CCDC40: variants seen among roughly 807,000 people sequenced by gnomAD.
The protein encoded by CCDC40 is coiled-coil domain 40 molecular ruler complex subunit, also known as coiled-coil domain-containing protein 40.
Under a neutral mutation model 124.5 loss-of-function variants are expected in CCDC40, and 104 were observed. The ratio of observed to expected loss-of-function variants is 0.84; its 90% CI spans 0.71 to 0.98. The LOEUF (loss-of-function observed/expected upper bound fraction) is 0.98. Ranked by LOEUF, CCDC40 falls within the 50% of genes least tolerant of loss-of-function variation. CCDC40 has a pLI of 0.00. For missense variants in CCDC40, 1,463 were observed against 1,503.9 expected (o/e 0.97, Z 0.45); for synonymous variants, 580 against 602.9 (o/e 0.96, Z 0.56).
intron 7 of CCDC40, among the ~76,000 whole-genome samples, chr17:80,053,823 C>T (rs2037667546): frequency 6.6e-6 from 1 of 152,178 alleles, no homozygotes; most frequent in Non-Finnish European, 1.5e-5. Flanking sequence ...GAACCCCTGA[C>T]CTCGTGATCC....
chr17:80,068,434 G>A (rs531659958), intron 10 of CCDC40, among the ~76,000 whole-genome samples: 20 of 152,254 alleles, frequency 1.3e-4, no homozygotes, highest in African/African-American at 4.6e-4. Context: ...GAAGCAACTT[G>A]GAGACAGGTT....
rs1348352408 is a variant in CCDC40 at position 80,099,882 on chromosome 17, T to G, written c.*107T>G. The G allele has an allele frequency of 1.7e-5, 21 of 1,249,294 alleles. No homozygotes were observed. Among genetic ancestry groups the G allele is most frequent in the Non-Finnish European group, 2.3e-6 (2 of 883,474 alleles). The allele number at this position is 1,249,294 out of a possible 1,614,324, so 77.4% of individuals were successfully genotyped here. A position where few individuals can be genotyped will look rare whatever the true frequency, so the allele number is the denominator to read the frequency against. On this transcript the variant is annotated 3_prime_UTR_variant, in exon 20 of 20. Coordinates refer to ENST00000397545, the MANE Select transcript of CCDC40 (RefSeq NM_017950.4). Reference sequence around the variant, plus strand: ...GTGTTCCTAAAAACCACATGTACCCTCAGAAGGGCATCGTTTAAGAGAAAT... The same window carrying G: ...GTGTTCCTAAAAACCACATGTACCCGCAGAAGGGCATCGTTTAAGAGAAAT...
chr17:80,082,490 C>T (rs2038477075), intron 12 of CCDC40, among the ~76,000 whole-genome samples: 1 of 152,036 alleles, frequency 6.6e-6, no homozygotes, highest in Admixed American at 6.6e-5. Flanking sequence ...GACCGCCTCC[C>T]CAACACCCCG....
intron 7 of CCDC40, among the ~76,000 whole-genome samples, chr17:80,056,010 A>T (rs367982511): frequency 0.54 from 7,378 of 13,686 alleles, 1,834 homozygotes; most frequent in Non-Finnish European, 0.56. Flanking sequence ...ATATATATAT[A>T]TATATATTTT....
At chr17:80,067,758 TA>T in intron 10 of CCDC40, 1 of 1,489,162 alleles carries the variant, frequency 6.7e-7, no homozygotes, top group East Asian at 2.5e-5. Context: ...CGGGTATTGC[TA>T]AGTAGGATTG....
At position 80,050,233 on chromosome 17, in the gene CCDC40, G is replaced by C; in HGVS notation, c.1109G>C (p.Arg370Pro). 6.3e-7 allele frequency: 1 copy of C among 1,598,254 alleles called. No homozygotes were observed. The highest frequency in any genetic ancestry group is 8.5e-7 in the Non-Finnish European group (1 of 1,174,060). ...AAGGAGGAGGAGCTGCAGGCCGCCC[G>C]CGCTCTCTACACCAAGACCTGCGCA... is the stretch of plus-strand genomic sequence containing the variant. ...RQKEEELQAA[R>P]ALYTKTCAAA... The change falls in exon 7 of 20, where the codon CGC becomes CCC. Residue 370 changes from arginine to proline, a missense_variant. Physicochemically the swap from Arg to Pro is moderately radical, Grantham distance 103. Transcript: ENST00000397545.
intron 10 of CCDC40, among the ~76,000 whole-genome samples, chr17:80,081,111 A>G (rs1237789055): frequency 6.6e-6 from 1 of 152,152 alleles, no homozygotes; most frequent in Non-Finnish European, 1.5e-5. Context: ...TGCTGGGTGC[A>G]GCGGCTCACA....
intron 16 of CCDC40, chr17:80,088,452 C>A (rs7502097): frequency 0.68 from 238,816 of 351,582 alleles, 81,982 homozygotes; most frequent in Middle Eastern, 0.77. Flanking sequence ...GGGTTTCACC[C>A]TGTTGGCCAG....
At chr17:80,098,307 T>C (rs1252026198) in intron 19 of CCDC40, among the ~76,000 whole-genome samples, 2 of 152,188 alleles carry the variant, frequency 1.3e-5, no homozygotes, top group Admixed American at 1.3e-4. Context: ...GACTTTTCTC[T>C]TGGGGAGGTG....
intron 10 of CCDC40, among the ~76,000 whole-genome samples, chr17:80,070,563 T>C (rs1423916414): frequency 6.6e-6 from 1 of 152,214 alleles, no homozygotes; most frequent in Non-Finnish European, 1.5e-5. Flanking sequence ...ATTGCACGAA[T>C]GCACTCCAGC....
chr17:80,038,190 A>T lies in CCDC40; in HGVS notation c.93+4A>T. 6.3e-7 allele frequency: 1 copy of T among 1,586,040 alleles called. No homozygotes were observed. Among genetic ancestry groups the T allele is most frequent in the Non-Finnish European group, 8.7e-7 (1 of 1,155,342 alleles). On this transcript the variant is annotated splice_donor_region_variant and intron_variant, in intron 2 of 19. Transcript: ENST00000397545. ...AGGGAATAATGAAAGCCACATGGTA[A>T]AATTCCCTATGGGCAGTTATTCCGG...
chr17:80,087,747 A>AAC lies in CCDC40; in HGVS notation c.2590_2591insAC (p.Thr864AsnfsTer10), dbSNP rs780516910. On this transcript the variant is annotated frameshift_variant, in exon 15 of 20. Coordinates refer to ENST00000397545, the MANE Select transcript of CCDC40 (RefSeq NM_017950.4). LOFTEE classifies it high-confidence loss of function. This position sits in a 1 kb window ranked among gnomAD's most constrained non-coding sequence, Gnocchi z 4.5. ...GGAGCTGGAGCAGAACAACCGGGTG[A>AAC]CAGAGAATGAGTTCGTGCGCTCGCT... 9 of 1,614,058 alleles carry AAC rather than the reference A, an allele frequency of 5.6e-6. No homozygotes were observed. The highest frequency in any genetic ancestry group is 1.7e-5 in the Admixed American group (1 of 60,010).
intron 10 of CCDC40, among the ~76,000 whole-genome samples, chr17:80,071,408 G>T (rs370337628): frequency 6.6e-6 from 1 of 152,162 alleles, no homozygotes; most frequent in Non-Finnish European, 1.5e-5. Flanking sequence ...CAAAAGCCAC[G>T]GGCAGTGTCC....
At chr17:80,047,839 T>TA (rs1451394565) in intron 4 of CCDC40, among the ~76,000 whole-genome samples, 1 of 152,174 alleles carries the variant, frequency 6.6e-6, no homozygotes, top group African/African-American at 2.4e-5. Flanking sequence ...CCTGTCTTCT[T>TA]ACGTAGTCCC....
At chr17:80,067,948 T>C (rs1207785056) in intron 10 of CCDC40, 14 of 1,152,398 alleles carry the variant, frequency 1.2e-5, no homozygotes, top group Non-Finnish European at 1.5e-5. Context: ...CACAAACACT[T>C]CACAACGAGT....
chr17:80,039,640 G>A (rs565195172), intron 2 of CCDC40, among the ~76,000 whole-genome samples, 172 bp from the exon 3 acceptor site: 2 of 152,110 alleles, frequency 1.3e-5, no homozygotes, highest in African/African-American at 4.8e-5. Flanking sequence ...TCAATCTCCT[G>A]ACCTCGTGAT....
intron 10 of CCDC40, chr17:80,067,346 G>T (rs1451278128): frequency 6.8e-6 from 4 of 591,468 alleles, no homozygotes; most frequent in Non-Finnish European, 1.2e-5. Context: ...CCCCTCCCAA[G>T]ACAAGCAAAG....
chr17:80,050,430 T>C (rs2037555166), intron 7 of CCDC40, 147 bp downstream of exon 7: 1 of 691,196 alleles, frequency 1.4e-6, no homozygotes, highest in South Asian at 1.6e-5. Flanking sequence ...GGAAGGCACA[T>C]AAATCAAATG....
intron 7 of CCDC40, among the ~76,000 whole-genome samples, chr17:80,052,358 G>A (rs1033726389): frequency 6.6e-6 from 1 of 152,112 alleles, no homozygotes; most frequent in African/African-American, 2.4e-5. Context: ...TGTAGGCTGG[G>A]AGGCTACACC....
Sources: allele counts gnomAD v4.1 joint callset (sites outside exome capture counted in the v4.1 genomes callset), GRCh38; gene constraint gnomAD v4.1.1; non-coding constraint Gnocchi (gnomAD v3.1); transcripts MANE v1.5; gene names NCBI Gene and HGNC (gene_info 2026-07-23, HGNC 2026-07-21).